The following KLHL13 variants were observed in gnomAD, a reference collection of about 807,000 sequenced individuals.
KLHL13 encodes kelch-like protein 13.
A neutral mutation model predicts 37.1 loss-of-function variants in KLHL13; 10 were observed. The ratio of observed to expected loss-of-function variants is 0.27; its 90% CI spans 0.17 to 0.46. The LOEUF (loss-of-function observed/expected upper bound fraction) is 0.46, where lower values mean the gene tolerates loss of function less well. Among genes scored for constraint, KLHL13 ranks in the 20% least tolerant of loss-of-function variants. The pLI is 1.00. For synonymous variants in KLHL13, 163 were observed against 181.2 expected, an observed-to-expected ratio of 0.90 and a Z score of 0.81; for missense variants, 360 against 509.3, an observed-to-expected ratio of 0.71 and a Z score of 2.82.
intron 1 of KLHL13, among the ~76,000 whole-genome samples, chrX:118,066,674 A>C (rs1458072131): frequency 9.0e-6 from 1 of 111,372 alleles, no homozygotes; most frequent in Non-Finnish European, 1.9e-5. Context: ...TTGTTCTGAG[A>C]AAGACTACCA....
intron 1 of KLHL13, among the ~76,000 whole-genome samples, chrX:118,095,119 C>G (rs973094982): frequency 1.8e-5 from 2 of 111,401 alleles, no homozygotes; most frequent in African/African-American, 6.5e-5. Flanking sequence ...AGTCAAGACC[C>G]ACCAGTGTGC....
intron 1 of KLHL13, among the ~76,000 whole-genome samples, chrX:118,071,172 T>A (rs1262162191): frequency 8.9e-6 from 1 of 111,777 alleles, no homozygotes; most frequent in Non-Finnish European, 1.9e-5. Context: ...GACATTTGGG[T>A]TGGTTCCAAG....
At chrX:118,048,028 TA>T (rs1420149373) in intron 1 of KLHL13, among the ~76,000 whole-genome samples, 1 of 111,287 alleles carries the variant, frequency 9.0e-6, no homozygotes, top group Non-Finnish European at 1.9e-5. Context: ...GAGACCTTGT[TA>T]AGTAAGACTG....
chrX:117,934,740 C>T (rs1396898327), intron 2 of KLHL13, among the ~76,000 whole-genome samples: 2 of 109,479 alleles, frequency 1.8e-5, no homozygotes, highest in Non-Finnish European at 3.8e-5. Flanking sequence ...AAAAGATAAA[C>T]AACCCAACTG....
intron 1 of KLHL13, among the ~76,000 whole-genome samples, chrX:118,021,702 G>A (rs765611396): frequency 2.7e-5 from 3 of 109,528 alleles, no homozygotes; most frequent in East Asian, 2.8e-4. Flanking sequence ...ATAAACATAC[G>A]TGTGCATGTC....
At chrX:118,097,156 A>G (rs2055219036) in intron 1 of KLHL13, among the ~76,000 whole-genome samples, 1 of 111,678 alleles carries the variant, frequency 9.0e-6, no homozygotes, top group African/African-American at 3.3e-5. Context: ...TTTGCAGATG[A>G]CATGATTATA....
chrX:118,073,041 C>CT (rs1569309282), intron 1 of KLHL13, among the ~76,000 whole-genome samples: 1 of 109,017 alleles, frequency 9.2e-6, no homozygotes, highest in Non-Finnish European at 1.9e-5. Flanking sequence ...CTTCAGCGAA[C>CT]CAAGACTGTG....
chrX:118,029,206 G>A (rs192799368), intron 1 of KLHL13, among the ~76,000 whole-genome samples: 140 of 111,268 alleles, frequency 1.3e-3, no homozygotes, highest in African/African-American at 4.1e-3. Flanking sequence ...TAGAAGGGGG[G>A]AGTTGAGGCA....
intron 1 of KLHL13, among the ~76,000 whole-genome samples, chrX:117,962,033 A>C (rs1347712786): frequency 9.5e-6 from 1 of 105,228 alleles, no homozygotes; most frequent in Non-Finnish European, 1.9e-5. Flanking sequence ...GCGAGACCTC[A>C]TCTCTACAAA....
At chrX:118,087,572 TTATC>T (rs1338919209) in intron 1 of KLHL13, among the ~76,000 whole-genome samples, 72 of 111,175 alleles carry the variant, frequency 6.5e-4, no homozygotes, top group African/African-American at 2.2e-3. Flanking sequence ...GGGGACCTCT[TTATC>T]TAAAAGAGTC....
chrX:117,962,057 A>G (rs1298293826), intron 1 of KLHL13, among the ~76,000 whole-genome samples: 3 of 106,810 alleles, frequency 2.8e-5, no homozygotes, highest in African/African-American at 1.0e-4. Flanking sequence ...TAATAATAAT[A>G]ATAATAAGCT....
intron 1 of KLHL13, among the ~76,000 whole-genome samples, chrX:117,966,307 C>A (rs922371300): frequency 9.0e-6 from 1 of 111,400 alleles, no homozygotes; most frequent in Non-Finnish European, 1.9e-5. Context: ...CTCCCATTCA[C>A]AATTGCTTCA....
intron 1 of KLHL13, chrX:117,983,435 GAAA>G (rs368634632): frequency 1.9e-4 from 135 of 701,203 alleles, no homozygotes; most frequent in South Asian, 3.8e-4. Flanking sequence ...AATTCGCACT[GAAA>G]AAAAAAAAAA....
intron 1 of KLHL13, among the ~76,000 whole-genome samples, chrX:118,113,309 A>AT (rs1313615142): frequency 3.6e-5 from 4 of 110,651 alleles, no homozygotes; most frequent in Non-Finnish European, 7.6e-5. Context: ...TCTGCAAAAC[A>AT]TTTTTTTTTA....
At chrX:117,924,462 C>T (rs757050967) in intron 2 of KLHL13, among the ~76,000 whole-genome samples, 1 of 112,125 alleles carries the variant, frequency 8.9e-6, no homozygotes, top group Non-Finnish European at 1.9e-5. Flanking sequence ...CCTGCACACT[C>T]GAAATAAGTC....
intron 1 of KLHL13, among the ~76,000 whole-genome samples, chrX:118,073,828 G>A (rs899967272): frequency 1.6e-4 from 18 of 111,454 alleles, no homozygotes; most frequent in African/African-American, 5.2e-4. Context: ...TAACTGTCAT[G>A]TGAGCCTGCC....
intron 4 of KLHL13, among the ~76,000 whole-genome samples, chrX:117,916,734 G>T (rs1052382548): frequency 8.9e-6 from 1 of 112,296 alleles, no homozygotes; most frequent in Non-Finnish European, 1.9e-5. Flanking sequence ...GGATAGAACA[G>T]AATTGTATTA....
chrX:117,970,552 T>C (rs189558049), intron 1 of KLHL13, among the ~76,000 whole-genome samples: 26 of 111,633 alleles, frequency 2.3e-4, no homozygotes, highest in African/African-American at 7.8e-4. Context: ...TCAGTCTTTA[T>C]CATTTTTGAA....
At chrX:117,953,116 T>A (rs1424403449) in intron 1 of KLHL13, among the ~76,000 whole-genome samples, 11 of 110,329 alleles carry the variant, frequency 1.0e-4, no homozygotes, top group African/African-American at 3.6e-4. Context: ...GTATGTTTAT[T>A]GCGGCACTAT....
Sources: gnomAD v4.1 joint callset for allele counts (sites outside exome capture counted in the v4.1 genomes callset) on GRCh38, gnomAD v4.1.1 for gene constraint, MANE v1.5 for transcripts, NCBI Gene and HGNC (gene_info 2026-07-23, HGNC 2026-07-21) for gene names.